THSD4: variants seen among roughly 807,000 people sequenced by gnomAD.
The protein encoded by THSD4 is thrombospondin type 1 domain containing 4.
Under a neutral mutation model 119.0 loss-of-function variants are expected in THSD4, and 69 were observed. The observed-to-expected ratio is 0.58, with a 90% CI of 0.48 to 0.71. THSD4 has a LOEUF of 0.71. Ranked by LOEUF, THSD4 falls within the 30% of genes least tolerant of loss-of-function variation. The probability of loss-of-function intolerance (pLI) is 0.00; values close to 1 mark genes in which losing one functional copy is unlikely to be tolerated. For synonymous variants in THSD4, 524 were observed against 540.4 expected (o/e 0.97, Z 0.42); for missense variants, 1,393 against 1,391.1 (o/e 1.00, Z -0.02).
At chr15:71,328,257 GA>G (rs1481551156) in intron 6 of THSD4, among the ~76,000 whole-genome samples, 1 of 152,162 alleles carries the variant, frequency 6.6e-6, no homozygotes, top group Non-Finnish European at 1.5e-5. Context: ...GCCACTTGGG[GA>G]TCTCCATCTG....
chr15:71,726,594 G>A (rs11633690), intron 8 of THSD4, among the ~76,000 whole-genome samples: 82,434 of 152,058 alleles, frequency 0.54, 26,678 homozygotes, highest in East Asian at 0.81. Flanking sequence ...TAAACCGAAG[G>A]TGCAAAGAGC....
chr15:71,133,811 C>T (rs1463888297), intron 1 of THSD4, among the ~76,000 whole-genome samples: 9 of 152,112 alleles, frequency 5.9e-5, no homozygotes, highest in Non-Finnish European at 1.0e-4. Flanking sequence ...ACCTGGGAAA[C>T]GTTTTTTTAG....
intron 8 of THSD4, among the ~76,000 whole-genome samples, chr15:71,703,852 G>C (rs2052341061): frequency 6.6e-6 from 1 of 152,074 alleles, no homozygotes. Flanking sequence ...TTTTTTGTTA[G>C]TTTGTTTTTG....
intron 7 of THSD4, among the ~76,000 whole-genome samples, chr15:71,504,214 G>T (rs909908556): frequency 6.6e-6 from 1 of 152,162 alleles, no homozygotes; most frequent in Non-Finnish European, 1.5e-5. Flanking sequence ...TTGAGGGCTG[G>T]GACTCCAAAT....
intron 5 of THSD4, 81 bp downstream of exon 5, chr15:71,243,177 C>G: frequency 7.1e-7 from 1 of 1,414,790 alleles, no homozygotes; most frequent in East Asian, 2.3e-5. Context: ...ATGATGAAGA[C>G]AGCAAGGATA....
At chr15:71,578,025 C>G (rs2049486627) in intron 7 of THSD4, among the ~76,000 whole-genome samples, 1 of 151,794 alleles carries the variant, frequency 6.6e-6, no homozygotes, top group South Asian at 2.1e-4. Context: ...GGCCTCAACC[C>G]TGGCAGTTAA....
intron 8 of THSD4, among the ~76,000 whole-genome samples, chr15:71,703,688 A>C (rs1307857694): frequency 6.6e-6 from 1 of 152,174 alleles, no homozygotes; most frequent in Non-Finnish European, 1.5e-5. Flanking sequence ...AGGTTCTACC[A>C]CAGCCTGGGG....
intron 6 of THSD4, among the ~76,000 whole-genome samples, chr15:71,409,558 C>A (rs187022653): frequency 1.1e-4 from 16 of 152,194 alleles, no homozygotes; most frequent in African/African-American, 3.9e-4. Context: ...TTTTTTCCCC[C>A]AAATCACCTC....
chr15:71,631,017 A>G (rs1434700127), intron 7 of THSD4, among the ~76,000 whole-genome samples: 1 of 152,136 alleles, frequency 6.6e-6, no homozygotes, highest in African/African-American at 2.4e-5. Context: ...TGGACAATCA[A>G]AAACACCCGC....
At chr15:71,454,559 C>T (rs1444496153) in intron 7 of THSD4, among the ~76,000 whole-genome samples, 2 of 152,130 alleles carry the variant, frequency 1.3e-5, no homozygotes, top group Non-Finnish European at 2.9e-5. Context: ...TTATAGTTAA[C>T]GCCTTTTAAG....
intron 7 of THSD4, among the ~76,000 whole-genome samples, chr15:71,485,812 A>G (rs1462201599): frequency 3.3e-5 from 5 of 152,232 alleles, no homozygotes; most frequent in Non-Finnish European, 7.3e-5. Flanking sequence ...GTGTATATCA[A>G]CAGTGCATAG....
chr15:71,150,783 A>G (rs1456386368), intron 2 of THSD4, among the ~76,000 whole-genome samples: 1 of 152,188 alleles, frequency 6.6e-6, no homozygotes, highest in Non-Finnish European at 1.5e-5. Flanking sequence ...ATAAAAGAAA[A>G]TTTTAAAAGC....
At chr15:71,137,167 C>A (rs2040559085) in intron 1 of THSD4, among the ~76,000 whole-genome samples, 1 of 152,080 alleles carries the variant, frequency 6.6e-6, no homozygotes, top group African/African-American at 2.4e-5. Flanking sequence ...GGTTATAAAT[C>A]AACAGGAGCA....
intron 8 of THSD4, among the ~76,000 whole-genome samples, chr15:71,694,246 G>A (rs2052116730): frequency 6.6e-6 from 1 of 152,176 alleles, no homozygotes. Flanking sequence ...TGGTTCATCT[G>A]ATTCAGAATA....
intron 8 of THSD4, among the ~76,000 whole-genome samples, chr15:71,694,846 C>G (rs538720518): frequency 4.6e-5 from 7 of 152,200 alleles, no homozygotes; most frequent in African/African-American, 1.7e-4. Context: ...CACAGCAAAC[C>G]ACCCAGAACA....
intron 6 of THSD4, among the ~76,000 whole-genome samples, chr15:71,276,557 C>G (rs1160701711): frequency 6.6e-6 from 1 of 152,200 alleles, no homozygotes; most frequent in Non-Finnish European, 1.5e-5. Flanking sequence ...ATGGCTACAT[C>G]TGTGCTGCCT....
At chr15:71,485,944 T>C (rs919296964) in intron 7 of THSD4, among the ~76,000 whole-genome samples, 2 of 152,240 alleles carry the variant, frequency 1.3e-5, no homozygotes, top group Admixed American at 6.5e-5. Context: ...TAACCAGGAA[T>C]AGCTCCCCCT....
intron 1 of THSD4, among the ~76,000 whole-genome samples, chr15:71,131,740 A>G (rs1220594369): frequency 6.6e-6 from 1 of 152,238 alleles, no homozygotes; most frequent in Non-Finnish European, 1.5e-5. Flanking sequence ...GCAGACAGGT[A>G]TACTGCCATA....
intron 3 of THSD4, among the ~76,000 whole-genome samples, chr15:71,214,545 C>T (rs1322276988): frequency 6.6e-6 from 1 of 152,222 alleles, no homozygotes; most frequent in African/African-American, 2.4e-5. Flanking sequence ...GTCAGTGGGA[C>T]CACGAACCCA....
Sources: gnomAD v4.1 joint callset for allele counts (sites outside exome capture counted in the v4.1 genomes callset) on GRCh38, gnomAD v4.1.1 for gene constraint, MANE v1.5 for transcripts, NCBI Gene and HGNC (gene_info 2026-07-23, HGNC 2026-07-21) for gene names.